The following ANKS1B variants were observed in gnomAD, a reference collection of about 807,000 sequenced individuals.
ANKS1B encodes ankyrin repeat and sterile alpha motif domain containing 1B.
ANKS1B carries 36 observed loss-of-function variants against 148.3 expected under a neutral mutation model. The observed-to-expected ratio is 0.24, with a 90% CI of 0.19 to 0.32. ANKS1B has a LOEUF of 0.32. ANKS1B is among the 10% of genes least tolerant of loss of function. ANKS1B has a pLI of 1.00. For missense variants in ANKS1B, 1,157 were observed against 1,542.6 expected (o/e 0.75, Z 4.19); for synonymous variants, 542 against 560.8 (o/e 0.97, Z 0.47).
intron 11 of ANKS1B, among the ~76,000 whole-genome samples, chr12:99,432,207 T>C (rs1238142827): frequency 3.9e-5 from 6 of 152,238 alleles, no homozygotes; most frequent in Admixed American, 3.9e-4. Context: ...CCTCTTTTCT[T>C]AGTTCATTTT....
intron 14 of ANKS1B, among the ~76,000 whole-genome samples, chr12:99,180,284 G>T (rs1046685522): frequency 6.6e-6 from 1 of 152,078 alleles, no homozygotes; most frequent in Non-Finnish European, 1.5e-5. Flanking sequence ...CATATACATT[G>T]CATATTTTTC....
rs1453167001 is a variant in ANKS1B at position 98,829,598 on chromosome 12, T to C, written c.2887-245A>G. Among the ~76,000 whole-genome samples, 1 of 152,202 alleles carries C rather than the reference T, an allele frequency of 6.6e-6. No individual in the cohort carries two copies. Among genetic ancestry groups the C allele is most frequent in the African/African-American group, 2.4e-5 (1 of 41,462 alleles). ...CAGGTTCTGTTTTCCTAAAGCAGCA[T>C]CATGGATGGTCTCAGGAGGGAGGCA... On this transcript the variant is annotated intron_variant, in intron 18 of 26. Coordinates refer to ENST00000683438, the MANE Select transcript of ANKS1B (RefSeq NM_001352186.2). The surrounding 1 kb of genome is among the most constrained non-coding windows in gnomAD (Gnocchi z 5.2).
At position 99,617,806 on chromosome 12, in the gene ANKS1B, T is replaced by TA. The variant is rs1411930729; in HGVS notation, c.1272+37260_1272+37261insT. Among the ~76,000 whole-genome samples, 280 of 125,668 alleles carry TA rather than the reference T, an allele frequency of 2.2e-3. 3 individuals carry two copies. Among genetic ancestry groups the TA allele is most frequent in the African/African-American group, 7.0e-3 (244 of 34,852 alleles). 82.4% of individuals were successfully genotyped at this position (125,668 alleles called of 152,430 possible). A position where few individuals can be genotyped will look rare whatever the true frequency, so the allele number is the denominator to read the frequency against. Reference sequence around the variant, plus strand: ...TGTATCCCAGAACTTAAAGTAAGATTTAAAAAAAAAAACAAAACAAAGCAA... The same window carrying TA: ...TGTATCCCAGAACTTAAAGTAAGATTATAAAAAAAAAAACAAAACAAAGCAA... On this transcript the variant is annotated intron_variant, in intron 9 of 26. Transcript: ENST00000683438.
intron 14 of ANKS1B, among the ~76,000 whole-genome samples, chr12:99,199,527 A>T (rs2081801324): frequency 6.6e-6 from 1 of 152,122 alleles, no homozygotes; most frequent in Non-Finnish European, 1.5e-5. Flanking sequence ...TCTACTGCCA[A>T]TTCTCGGTAA....
At chr12:99,844,868 T>C (rs1027375444) in intron 1 of ANKS1B, among the ~76,000 whole-genome samples, 1 of 152,196 alleles carries the variant, frequency 6.6e-6, no homozygotes, top group Non-Finnish European at 1.5e-5. Context: ...TCCATGAGCA[T>C]GAAATGTTTT....
chr12:99,801,138 C>A (rs1006720831), intron 4 of ANKS1B, among the ~76,000 whole-genome samples: 2 of 152,110 alleles, frequency 1.3e-5, no homozygotes, highest in African/African-American at 4.8e-5. Flanking sequence ...CCTGATTTAG[C>A]CAATGGATGG....
chr12:98,965,111 A>AT (rs138086641), intron 17 of ANKS1B, among the ~76,000 whole-genome samples: 2,252 of 152,266 alleles, frequency 0.015, 58 homozygotes, highest in South Asian at 0.046. Context: ...AAAATAAAAA[A>AT]AAAACCCCTG....
chr12:99,304,958 G>C (rs1266198592), intron 12 of ANKS1B, among the ~76,000 whole-genome samples: 3 of 152,064 alleles, frequency 2.0e-5, no homozygotes, highest in Non-Finnish European at 4.4e-5. Flanking sequence ...ATAAGGAAAA[G>C]AGGCTTATTG....
At chr12:99,091,530 G>C (rs991417183) in intron 15 of ANKS1B, among the ~76,000 whole-genome samples, 4 of 152,050 alleles carry the variant, frequency 2.6e-5, no homozygotes, top group African/African-American at 9.7e-5. Flanking sequence ...ATGAGAGAAG[G>C]AGCCTATTCT....
At chr12:99,060,289 G>T (rs2041963740) in intron 16 of ANKS1B, among the ~76,000 whole-genome samples, 1 of 151,998 alleles carries the variant, frequency 6.6e-6, no homozygotes, top group African/African-American at 2.4e-5. Context: ...GCCTCAGAGA[G>T]AGTATGCTGT....
chr12:99,068,776 CCCTAGT>C (rs11272500), intron 16 of ANKS1B, among the ~76,000 whole-genome samples: 85,124 of 150,200 alleles, frequency 0.57, 24,864 homozygotes, highest in East Asian at 0.74. Flanking sequence ...TCTTTATTGT[CCCTAGT>C]CCTAGTCCTA....
chr12:99,428,507 T>C (rs758359555), intron 11 of ANKS1B, among the ~76,000 whole-genome samples: 1 of 152,154 alleles, frequency 6.6e-6, no homozygotes, highest in Non-Finnish European at 1.5e-5. Flanking sequence ...ACTACAAATA[T>C]AAAAATGAAT....
chr12:99,645,477 A>G (rs2098352939), intron 9 of ANKS1B, among the ~76,000 whole-genome samples: 1 of 152,200 alleles, frequency 6.6e-6, no homozygotes, highest in Non-Finnish European at 1.5e-5. Context: ...TGGAGTTGAA[A>G]GATAGCTCAG....
chr12:99,538,937 T>C (rs1248872886), intron 9 of ANKS1B, among the ~76,000 whole-genome samples: 1 of 152,192 alleles, frequency 6.6e-6, no homozygotes, highest in Non-Finnish European at 1.5e-5. Flanking sequence ...TTTGAGGGTA[T>C]TTTATCACGA....
At position 98,832,019 on chromosome 12, in the gene ANKS1B, T is replaced by A; in HGVS notation, c.2886+10A>T. ...GGGCAGAGAACCAGATGAATGTGCT[T>A]GGCACTTACCCTGAGGGTGATGGAC... On this transcript the variant is annotated intron_variant, in intron 18 of 26. Coordinates refer to ENST00000683438, the MANE Select transcript of ANKS1B (RefSeq NM_001352186.2). 1 of 1,575,914 alleles carries A rather than the reference T, an allele frequency of 6.3e-7. No homozygotes were observed. The highest frequency in any genetic ancestry group is 8.6e-7 in the Non-Finnish European group (1 of 1,159,598).
intron 1 of ANKS1B, among the ~76,000 whole-genome samples, chr12:99,944,736 T>C (rs1446856331): frequency 6.6e-6 from 1 of 152,150 alleles, no homozygotes; most frequent in Non-Finnish European, 1.5e-5. Context: ...CTGAAAAGTA[T>C]TGTAGTCCTT....
At chr12:99,242,244 C>A (rs1308356588) in intron 14 of ANKS1B, among the ~76,000 whole-genome samples, 1 of 152,082 alleles carries the variant, frequency 6.6e-6, no homozygotes, top group African/African-American at 2.4e-5. Flanking sequence ...TCCTATACAC[C>A]AATAATAGAC....
At chr12:99,010,925 T>C (rs1187572008) in intron 17 of ANKS1B, among the ~76,000 whole-genome samples, 1 of 139,356 alleles carries the variant, frequency 7.2e-6, no homozygotes, top group Non-Finnish European at 1.5e-5. Context: ...TTTTTTTTAA[T>C]AGAAACAGGG....
chr12:99,026,105 T>C (rs765112525), intron 17 of ANKS1B, among the ~76,000 whole-genome samples: 1 of 152,260 alleles, frequency 6.6e-6, no homozygotes, highest in Non-Finnish European at 1.5e-5. Flanking sequence ...GTTGAAGGTA[T>C]GTATCTACGG....
Sources: allele counts gnomAD v4.1 joint callset (sites outside exome capture counted in the v4.1 genomes callset), GRCh38; gene constraint gnomAD v4.1.1; non-coding constraint Gnocchi (gnomAD v3.1); transcripts MANE v1.5; gene names NCBI Gene and HGNC (gene_info 2026-07-23, HGNC 2026-07-21).